Variants in EDIL3 observed in about 807,000 individuals in gnomAD.
EDIL3 encodes EGF like and discoidin domains 3.
Under a neutral mutation model 67.4 loss-of-function variants are expected in EDIL3, and 37 were observed. The ratio of observed to expected loss-of-function variants is 0.55; its 90% CI spans 0.42 to 0.72. EDIL3 has a LOEUF of 0.72. Among genes scored for constraint, EDIL3 ranks in the 30% least tolerant of loss-of-function variants. The pLI, the probability that EDIL3 is intolerant of heterozygous loss-of-function variation, is 0.00. For synonymous variants in EDIL3, 195 were observed against 196.3 expected (o/e 0.99, Z 0.05); for missense variants, 527 against 586.3 (o/e 0.90, Z 1.04).
intron 1 of EDIL3, among the ~76,000 whole-genome samples, chr5:84,275,121 C>A (rs1329351224): frequency 1.3e-5 from 2 of 152,132 alleles, no homozygotes; most frequent in Non-Finnish European, 2.9e-5. Flanking sequence ...ATCTCCAGAT[C>A]CCCAAATCAG....
intron 10 of EDIL3, among the ~76,000 whole-genome samples, chr5:83,962,976 T>C (rs942220170): frequency 3.3e-5 from 5 of 151,696 alleles, no homozygotes; most frequent in African/African-American, 1.2e-4. Flanking sequence ...CAATTAATAG[T>C]ATGAAAAATA....
intron 2 of EDIL3, among the ~76,000 whole-genome samples, chr5:84,244,808 T>C (rs531363584): frequency 5.3e-5 from 8 of 152,336 alleles, no homozygotes; most frequent in African/African-American, 1.9e-4. Context: ...TGGCCTGTTA[T>C]GAACCAGGCA....
At chr5:84,128,176 T>C (rs908967975) in intron 5 of EDIL3, among the ~76,000 whole-genome samples, 1 of 152,118 alleles carries the variant, frequency 6.6e-6, no homozygotes, top group African/African-American at 2.4e-5. Flanking sequence ...CTCAGCTCCA[T>C]AGTTGCCAGT....
At chr5:84,360,867 CAAGT>C (rs989883107) in intron 1 of EDIL3, among the ~76,000 whole-genome samples, 3 of 152,094 alleles carry the variant, frequency 2.0e-5, no homozygotes, top group African/African-American at 7.2e-5. Flanking sequence ...ATAATCCAAG[CAAGT>C]GTTTAATTAT....
chr5:84,087,894 C>T (rs1156377529), intron 6 of EDIL3, among the ~76,000 whole-genome samples: 1 of 151,944 alleles, frequency 6.6e-6, no homozygotes, highest in Non-Finnish European at 1.5e-5. Context: ...TGAATAAATT[C>T]ATTAATTTAA....
chr5:84,271,144 T>G (rs573916167), intron 1 of EDIL3, among the ~76,000 whole-genome samples: 35 of 152,336 alleles, frequency 2.3e-4, no homozygotes, highest in African/African-American at 8.4e-4. Flanking sequence ...ACCACATTAT[T>G]AATAAGTATT....
At chr5:84,188,892 G>T (rs142814851) in intron 3 of EDIL3, among the ~76,000 whole-genome samples, 26 of 152,150 alleles carry the variant, frequency 1.7e-4, no homozygotes, top group Non-Finnish European at 3.4e-4. Flanking sequence ...GATCTACCCA[G>T]TCTGTGGTAT....
intron 1 of EDIL3, among the ~76,000 whole-genome samples, chr5:84,368,259 C>T (rs1510065): frequency 0.012 from 1,854 of 152,088 alleles, 47 homozygotes; most frequent in African/African-American, 0.042. Flanking sequence ...TGGTCTGACA[C>T]GAAGAGAGAC....
In EDIL3 at chr5:84,153,753, G is replaced by A. The variant is rs113252785; in HGVS notation, c.356-16399C>T. On this transcript the variant is annotated intron_variant, in intron 4 of 10. Transcript: ENST00000296591. ...GCTGCGATTACAGGAGTGAGCCACCGCACCCGGCCTTGTTATTATTTTTAA... is the reference window on the plus strand; with the variant it reads ...GCTGCGATTACAGGAGTGAGCCACCACACCCGGCCTTGTTATTATTTTTAA... Among the ~76,000 whole-genome samples, 1,068 of 152,244 alleles carry A rather than the reference G, an allele frequency of 7.0e-3. 17 individuals are homozygous for A. Among genetic ancestry groups the A allele is most frequent in the East Asian group, 0.038 (195 of 5,176 alleles).
chr5:84,069,220 C>T (rs1455533422), intron 6 of EDIL3, among the ~76,000 whole-genome samples: 1 of 151,992 alleles, frequency 6.6e-6, no homozygotes, highest in Non-Finnish European at 1.5e-5. Flanking sequence ...ACTGTGTATC[C>T]TTAAAAAGCA....
In EDIL3 at chr5:84,298,174, T is replaced by C. The variant is rs564911488; in HGVS notation, c.68-43962A>G. Reference sequence around the variant, plus strand: ...TAAATCATTCTATTATAAAGATACATGCACGCGTGTATTCCTTGCAGCACT... The same window carrying C: ...TAAATCATTCTATTATAAAGATACACGCACGCGTGTATTCCTTGCAGCACT... On this transcript the variant is annotated intron_variant, in intron 1 of 10. Transcript: ENST00000296591. Among the ~76,000 whole-genome samples the C allele has an allele frequency of 2.6e-5, 4 of 152,242 alleles. No individual in the cohort carries two copies. In the East Asian group the frequency reaches 5.8e-4, roughly 22 times the overall value.
At chr5:84,139,285 T>C (rs996649155) in intron 4 of EDIL3, among the ~76,000 whole-genome samples, 1 of 104,952 alleles carries the variant, frequency 9.5e-6, no homozygotes, top group Non-Finnish European at 1.8e-5. Context: ...ACTGAACCTG[T>C]ACAAAAATGA....
intron 5 of EDIL3, among the ~76,000 whole-genome samples, chr5:84,111,819 G>A (rs1747569907): frequency 6.6e-6 from 1 of 152,120 alleles, no homozygotes; most frequent in Admixed American, 6.5e-5. Context: ...GTAATGGGGA[G>A]ACACAGAGAA....
chr5:83,947,101 GC>G lies in EDIL3; in HGVS notation c.1294-3534del, dbSNP rs147878443. On this transcript the variant is annotated intron_variant, in intron 10 of 10. Transcript: ENST00000296591. ...CACTTCATCCCTCTGGGTTTTTGTT[GC>G]CCCCTTATAGATTTCATTATTTTTC... Among the ~76,000 whole-genome samples the G allele has an allele frequency of 9.8e-3, 1,495 of 151,820 alleles. 29 individuals carry two copies. Among genetic ancestry groups the G allele is most frequent in the African/African-American group, 0.035 (1,431 of 41,452 alleles).
At chr5:84,087,020 T>C (rs73136207) in intron 6 of EDIL3, among the ~76,000 whole-genome samples, 298 of 152,278 alleles carry the variant, frequency 2.0e-3, no homozygotes, top group African/African-American at 7.0e-3. Context: ...TTATATGCCT[T>C]TGACCATTTG....
intron 3 of EDIL3, among the ~76,000 whole-genome samples, chr5:84,210,630 C>A (rs1187620259): frequency 1.3e-5 from 2 of 151,858 alleles, no homozygotes; most frequent in African/African-American, 4.8e-5. Flanking sequence ...ATAGTTCCTG[C>A]CTAAATTTTT....
intron 3 of EDIL3, among the ~76,000 whole-genome samples, chr5:84,216,370 A>C (rs1188852408): frequency 7.2e-5 from 11 of 152,234 alleles, no homozygotes; most frequent in Admixed American, 7.2e-4. Flanking sequence ...TACACATATT[A>C]GAATGTACAA....
intron 10 of EDIL3, among the ~76,000 whole-genome samples, chr5:83,959,539 AG>A (rs1227738983): frequency 4.0e-5 from 6 of 151,060 alleles, no homozygotes; most frequent in African/African-American, 1.2e-4. Flanking sequence ...AACATCTCAC[AG>A]ACACATGTTT....
chr5:84,384,124 G>A (rs1748163869), intron 1 of EDIL3, among the ~76,000 whole-genome samples, 184 bp downstream of exon 1: 1 of 152,046 alleles, frequency 6.6e-6, no homozygotes, highest in African/African-American at 2.4e-5. Context: ...TCGGCCCCGC[G>A]CACTCTGCTC....
Sources: gnomAD v4.1 joint callset for allele counts (sites outside exome capture counted in the v4.1 genomes callset) on GRCh38, gnomAD v4.1.1 for gene constraint, MANE v1.5 for transcripts, NCBI Gene and HGNC (gene_info 2026-07-23, HGNC 2026-07-21) for gene names.